Variants in SEPTIN6 observed in about 807,000 individuals in gnomAD.
The protein encoded by SEPTIN6 is septin 6.
In SEPTIN6, 8 loss-of-function variants were observed where a neutral mutation model predicts 33.6. The ratio of observed to expected loss-of-function variants is 0.24; its 90% CI spans 0.14 to 0.43. The LOEUF is 0.43. Ranked by LOEUF, SEPTIN6 falls within the 20% of genes least tolerant of loss-of-function variation. The pLI is 1.00. For missense variants in SEPTIN6, 250 were observed against 340.8 expected, an observed-to-expected ratio of 0.73 and a Z score of 2.10; for synonymous variants, 131 against 140.0, an observed-to-expected ratio of 0.94 and a Z score of 0.45.
intron 3 of SEPTIN6, among the ~76,000 whole-genome samples, chrX:119,660,458 G>A (rs781408232): frequency 8.9e-6 from 1 of 111,774 alleles, no homozygotes; most frequent in African/African-American, 3.3e-5. Context: ...ATTTATAATC[G>A]GGAAGAAACA....
rs1174244718 is a variant in SEPTIN6 at position 119,617,610 on chromosome X, G to T, written c.*2483C>A. On this transcript the variant is annotated 3_prime_UTR_variant, in exon 11 of 11. Coordinates refer to ENST00000394610, the MANE Select transcript of SEPTIN6 (RefSeq NM_145799.4). ...AGGGTCTTCTAATACTAACTAGTCA[G>T]TTACTCTGAACATCAAAAGACCTCG... is the stretch of plus-strand genomic sequence containing the variant. 4.1e-5 allele frequency: 33 copies of T among 800,981 alleles called. No homozygotes were observed. Among genetic ancestry groups the T allele is most frequent in the Non-Finnish European group, 4.6e-5 (31 of 668,364 alleles). The allele number at this position is 800,981 out of a possible 1,213,427, so 66.0% of individuals were successfully genotyped here. A position where few individuals can be genotyped will look rare whatever the true frequency, so the allele number is the denominator to read the frequency against.
At chrX:119,669,816 T>C (rs995514626) in intron 2 of SEPTIN6, among the ~76,000 whole-genome samples, 1 of 111,953 alleles carries the variant, frequency 8.9e-6, no homozygotes, top group Non-Finnish European at 1.9e-5. Flanking sequence ...CTTGATAGAA[T>C]GCTAGCTGCC....
intron 10 of SEPTIN6, among the ~76,000 whole-genome samples, chrX:119,624,668 C>G (rs961026642): frequency 5.4e-5 from 6 of 111,430 alleles, no homozygotes; most frequent in African/African-American, 2.0e-4. Flanking sequence ...AACCCAGTTT[C>G]TCTCATCACC....
At chrX:119,650,152 CA>C in intron 4 of SEPTIN6, 54 bp from the exon 5 acceptor site, 1 of 1,141,489 alleles carries the variant, frequency 8.8e-7, no homozygotes, top group Non-Finnish European at 1.2e-6. Flanking sequence ...CAACTGATAG[CA>C]GCATGACCTA....
chrX:119,629,030 C>T, intron 9 of SEPTIN6: 1 of 278,400 alleles, frequency 3.6e-6, no homozygotes, highest in Non-Finnish European at 6.4e-6. Context: ...TTCCTCTTTT[C>T]CCTTCCTTTC....
At chrX:119,641,336 A>G (rs2054156944) in intron 5 of SEPTIN6, among the ~76,000 whole-genome samples, 1 of 111,772 alleles carries the variant, frequency 8.9e-6, no homozygotes, top group African/African-American at 3.3e-5. Flanking sequence ...TGAGCCTAGA[A>G]GGCAAGTCAC....
chrX:119,652,880 C>G lies in SEPTIN6; in HGVS notation c.502G>C (p.Val168Leu). 8.3e-7 allele frequency: 1 copy of G among 1,210,991 alleles called. No homozygotes were observed. Among genetic ancestry groups the G allele is most frequent in the Non-Finnish European group, 1.1e-6 (1 of 895,243 alleles). Residue 168 changes from valine to leucine, a missense_variant, in exon 4 of 11, where the codon GTG (valine) becomes CTG (leucine). Val to Leu is a conservative substitution (Grantham distance 32). This residue lies in a region of SEPTIN6 where 139 missense variants were observed against 227.0 expected (regional missense o/e 0.61). Transcript: ENST00000394610. ...TGHSLKSLDL[V>L]TMKKLDSKVN... is the part of the protein sequence containing the mutation. ...TTACTGTCCAGCTTCTTCATAGTCA[C>G]TAGGTCCAGAGACTTCAGGGAATGA...
At chrX:119,691,671 T>C (rs1449402608) in intron 1 of SEPTIN6, among the ~76,000 whole-genome samples, 1 of 112,351 alleles carries the variant, frequency 8.9e-6, no homozygotes, top group Non-Finnish European at 1.9e-5. Flanking sequence ...GAGACATTAA[T>C]ACATATTCTG....
intron 2 of SEPTIN6, among the ~76,000 whole-genome samples, chrX:119,665,103 C>CTTTT (rs779678789): frequency 2.2e-5 from 2 of 91,782 alleles, no homozygotes; most frequent in African/African-American, 8.6e-5. Flanking sequence ...TCTTCTTCTT[C>CTTTT]TTTTTTTTTT....
intron 10 of SEPTIN6, chrX:119,624,114 T>G: frequency 3.4e-6 from 1 of 296,414 alleles, no homozygotes; most frequent in Non-Finnish European, 6.5e-6. Flanking sequence ...ATTTCTAAGA[T>G]CTCTTCATTT....
At chrX:119,627,799 T>A (rs2053879042) in intron 9 of SEPTIN6, among the ~76,000 whole-genome samples, 1 of 89,589 alleles carries the variant, frequency 1.1e-5, no homozygotes, top group Non-Finnish European at 2.2e-5. Flanking sequence ...TTCTTTTTTT[T>A]TTTTTTTTTT....
chrX:119,666,110 G>T lies in SEPTIN6; in HGVS notation c.146-2433C>A, dbSNP rs952361680. On this transcript the variant is annotated intron_variant, in intron 2 of 10. Coordinates refer to ENST00000394610, the MANE Select transcript of SEPTIN6 (RefSeq NM_145799.4). ...AAAAAAAAAAAGAGTCAGTAGAGAG[G>T]CAGGCACTTCGAAGAGAGGATATCA... Among the ~76,000 whole-genome samples the T allele has an allele frequency of 5.5e-5, 6 of 110,051 alleles. No individual in the cohort carries two copies. In the Admixed American group the frequency reaches 5.8e-4, roughly 11 times the overall value.
chrX:119,652,431 C>T (rs1430077992), intron 4 of SEPTIN6, among the ~76,000 whole-genome samples: 1 of 112,074 alleles, frequency 8.9e-6, no homozygotes, highest in Non-Finnish European at 1.9e-5. Flanking sequence ...GTGTACTTCA[C>T]GGGGCTGGCA....
At chrX:119,616,438 G>A (rs768931954), downstream of SEPTIN6, 1 of 447,629 alleles carries the variant, frequency 2.2e-6, no homozygotes, top group South Asian at 2.6e-5. Context: ...TGGTCCTGTA[G>A]TTGTTTCTCT....
At chrX:119,663,460 C>CCCCCCCCCCCCCCCTCTTTT in intron 3 of SEPTIN6, 22 bp downstream of exon 3, 1 of 899,311 alleles carries the variant, frequency 1.1e-6, no homozygotes, top group Non-Finnish European at 1.6e-6. Context: ...CCCACCCTAC[C>CCCCCCCCCCCCCCCTCTTTT]CCACCCCACC....
At chrX:119,673,228 G>A (rs1167005000) in intron 2 of SEPTIN6, among the ~76,000 whole-genome samples, 5 of 111,117 alleles carry the variant, frequency 4.5e-5, no homozygotes, top group Non-Finnish European at 9.4e-5. Context: ...AAATGAGCCC[G>A]GTCGCATGCC....
At position 119,637,104 on chromosome X, in the gene SEPTIN6, C is replaced by T; in HGVS notation, c.879G>A (p.Arg293=). 8.3e-7 allele frequency: 1 copy of T among 1,211,391 alleles called. No individual in the cohort carries two copies. The change falls in exon 7 of 11, where the codon CGG becomes CGA. Residue 293 remains arginine (R), a synonymous_variant. Transcript: ENST00000394610. ...TACAGCGGCGATACAGCTCATAGTG[C>T]CGGGTGTGGGTCTGCTCCCGCAGAT... ...MEDLREQTHT[R]HYELYRRCKL...
intron 2 of SEPTIN6, among the ~76,000 whole-genome samples, chrX:119,670,709 CA>C (rs1389932594): frequency 9.1e-6 from 1 of 109,392 alleles, no homozygotes; most frequent in Non-Finnish European, 1.9e-5. Flanking sequence ...GAGGCCGAGG[CA>C]GGCAGATCAC....
At chrX:119,643,642 C>T (rs925627502) in intron 5 of SEPTIN6, among the ~76,000 whole-genome samples, 3 of 111,412 alleles carry the variant, frequency 2.7e-5, no homozygotes, top group African/African-American at 9.8e-5. Flanking sequence ...CATTTCCCAG[C>T]GCTCTCCTTT....
Sources: gnomAD v4.1 joint callset for allele counts (sites outside exome capture counted in the v4.1 genomes callset) on GRCh38, gnomAD v4.1.1 for gene constraint, gnomAD v4.1.1 regional missense constraint, MANE v1.5 for transcripts, NCBI Gene and HGNC (gene_info 2026-07-23, HGNC 2026-07-21) for gene names.